Variants in ASB3 observed in about 807,000 individuals in gnomAD.
ASB3 encodes the protein ankyrin repeat and SOCS box containing 3.
ASB3 carries 41 observed loss-of-function variants against 54.5 expected under a neutral mutation model. The observed-to-expected ratio is 0.75, with a 90% CI of 0.59 to 0.98. The LOEUF is 0.98. ASB3 is among the 50% of genes least tolerant of loss of function. ASB3 has a pLI of 0.00. For missense variants in ASB3, 733 were observed against 620.0 expected (o/e 1.18, Z -1.94); for synonymous variants, 266 against 221.2 (o/e 1.20, Z -1.80).
chr2:53,673,258 T>G (rs1480634162), intron 9 of ASB3, among the ~76,000 whole-genome samples: 1 of 152,302 alleles, frequency 6.6e-6, no homozygotes. Context: ...CTTAGGAACA[T>G]GAATACTTAC....
intron 3 of ASB3, among the ~76,000 whole-genome samples, chr2:53,732,243 G>A (rs1478372049): frequency 6.6e-6 from 1 of 152,028 alleles, no homozygotes; most frequent in Non-Finnish European, 1.5e-5. Flanking sequence ...TTATAGGCAT[G>A]AGCCACTGCA....
At chr2:53,756,113 C>T (rs1162475307) in intron 2 of ASB3, among the ~76,000 whole-genome samples, 1 of 151,970 alleles carries the variant, frequency 6.6e-6, no homozygotes, top group Non-Finnish European at 1.5e-5. Flanking sequence ...CTGCAATGAG[C>T]CATGATCACA....
intron 3 of ASB3, among the ~76,000 whole-genome samples, chr2:53,735,232 C>T (rs1671556177): frequency 6.6e-6 from 1 of 151,984 alleles, no homozygotes; most frequent in Non-Finnish European, 1.5e-5. Flanking sequence ...TACATGTTCT[C>T]TATTAGTGAA....
At chr2:53,774,815 A>C (rs1674220739) in intron 1 of ASB3, 1 of 243,456 alleles carries the variant, frequency 4.1e-6, no homozygotes, top group African/African-American at 2.2e-5. Flanking sequence ...TATCAGAGTG[A>C]TAATCATCCT....
chr2:53,772,421 G>A (rs191068006), intron 1 of ASB3, among the ~76,000 whole-genome samples: 3 of 152,034 alleles, frequency 2.0e-5, no homozygotes, highest in East Asian at 3.9e-4. Flanking sequence ...TGATCCGCCC[G>A]CCTTGGCCTC....
chr2:53,702,620 TAAG>T lies in ASB3; in HGVS notation c.981-2095_981-2093del, dbSNP rs573935507. Among the ~76,000 whole-genome samples, 109 of 152,266 alleles carry T rather than the reference TAAG, an allele frequency of 7.2e-4. No individual in the cohort carries two copies. The Middle Eastern group carries it at 0.01, about 14-fold the overall frequency. On this transcript the variant is annotated intron_variant, in intron 7 of 9. Coordinates refer to ENST00000263634, the MANE Select transcript of ASB3 (RefSeq NM_016115.5). ...TGACATAGAGGGACTGTACATTATA[TAAG>T]AAGTGAACAACATCAGATACTGAGA...
At chr2:53,753,593 C>T (rs906960009) in intron 2 of ASB3, among the ~76,000 whole-genome samples, 6 of 151,706 alleles carry the variant, frequency 4.0e-5, no homozygotes, top group African/African-American at 1.5e-4. Flanking sequence ...AAATCAATGA[C>T]AGTCCAGTAG....
intron 3 of ASB3, 132 bp downstream of exon 3, chr2:53,750,651 A>G: frequency 1.0e-6 from 1 of 1,000,172 alleles, no homozygotes; most frequent in Non-Finnish European, 1.3e-6. Context: ...TCAAAAATCA[A>G]GGAAGTAGTG....
intron 5 of ASB3, among the ~76,000 whole-genome samples, chr2:53,722,864 A>T (rs1032605104): frequency 1.3e-5 from 2 of 152,186 alleles, no homozygotes; most frequent in Admixed American, 1.3e-4. Context: ...AGAAAGAAAT[A>T]AAAGGCATCC....
rs200551514 is a variant in ASB3 at position 53,700,786 on chromosome 2, T to TA, written c.981-259dup. The stretch of plus-strand genomic sequence containing the variant: ...AAAACATTCATCTTAAATGTCATTT[T>TA]AAAAAAAATTATCATTGACAGAAAA... On this transcript the variant is annotated intron_variant, in intron 7 of 9. Coordinates refer to ENST00000263634, the MANE Select transcript of ASB3 (RefSeq NM_016115.5). Among the ~76,000 whole-genome samples the TA allele has an allele frequency of 8.9e-3, 1,361 of 152,142 alleles. 21 individuals are homozygous for TA. Among genetic ancestry groups the TA allele is most frequent in the African/African-American group, 0.031 (1,288 of 41,518 alleles).
chr2:53,728,767 T>C lies in ASB3; in HGVS notation c.549A>G (p.Leu183=). Residue 183 remains leucine (L), a synonymous_variant, in exon 5 of 10, where the codon TTA becomes TTG. Transcript: ENST00000263634. The part of the protein sequence containing the change: ...ECQDDFGITP[L]FVAAQYGKLE... Reference sequence around the variant, plus strand: ...GCTTGCCATACTGAGCAGCCACAAATAAAGGTGTGATTCCAAAGTCATCCT... The same window carrying C: ...GCTTGCCATACTGAGCAGCCACAAACAAAGGTGTGATTCCAAAGTCATCCT... The C allele has an allele frequency of 6.2e-7, 1 of 1,612,588 alleles. No individual in the cohort carries two copies. The highest frequency in any genetic ancestry group is 8.5e-7 in the Non-Finnish European group (1 of 1,179,282).
chr2:53,780,357 C>A (rs1007897403), intron 1 of ASB3, among the ~76,000 whole-genome samples: 3 of 152,120 alleles, frequency 2.0e-5, no homozygotes, highest in African/African-American at 7.2e-5. Context: ...TGTTATGTGG[C>A]AAGCAATGAC....
intron 2 of ASB3, among the ~76,000 whole-genome samples, chr2:53,751,220 T>C (rs1672493480): frequency 6.6e-6 from 1 of 152,136 alleles, no homozygotes; most frequent in Non-Finnish European, 1.5e-5. Context: ...TGGCAGAAAT[T>C]GAAAGGTAAC....
intron 9 of ASB3, among the ~76,000 whole-genome samples, chr2:53,689,158 T>C (rs1668780470): frequency 1.3e-5 from 2 of 151,836 alleles, no homozygotes; most frequent in Admixed American, 1.3e-4. Context: ...ATGAATAAAT[T>C]TGGGTAGTCA....
intron 9 of ASB3, among the ~76,000 whole-genome samples, chr2:53,689,731 A>G (rs1159298230): frequency 6.6e-6 from 1 of 152,184 alleles, no homozygotes; most frequent in African/African-American, 2.4e-5. Flanking sequence ...TTAGCCCACC[A>G]TATTTAGCTA....
chr2:53,764,025 AAAG>A (rs1673298263), intron 2 of ASB3, among the ~76,000 whole-genome samples: 1 of 152,318 alleles, frequency 6.6e-6, no homozygotes, highest in East Asian at 1.9e-4. Flanking sequence ...AAGACAAAAA[AAAG>A]AAAAAAACAA....
intron 1 of ASB3, among the ~76,000 whole-genome samples, chr2:53,768,753 A>T (rs6737681): frequency 2.0e-5 from 3 of 152,194 alleles, no homozygotes; most frequent in East Asian, 1.9e-4. Context: ...CTTTTCAGTC[A>T]GTCCTACAAA....
chr2:53,696,151 T>A (rs1267538929), intron 8 of ASB3, among the ~76,000 whole-genome samples: 1 of 152,200 alleles, frequency 6.6e-6, no homozygotes, highest in Non-Finnish European at 1.5e-5. Context: ...ATTGCTAAAG[T>A]TAAATTTTCC....
In ASB3 at chr2:53,729,547, C is replaced by T. The variant is rs759285484; in HGVS notation, c.379G>A (p.Val127Met). The change falls in exon 4 of 10, where the codon GTG (valine) becomes ATG (methionine). Residue 127 changes from valine (V) to methionine (M), a missense_variant. Val to Met is a conservative substitution (Grantham distance 21). Coordinates refer to ENST00000263634, the MANE Select transcript of ASB3 (RefSeq NM_016115.5). ...FLAVENGQID[V>M]LRLLLQHGAN... Reference sequence around the variant, plus strand: ...CCGTGTTGAAGCAACAGCCTTAACACATCTATCTGTCCATTTTCAACAGCT... The same window carrying T: ...CCGTGTTGAAGCAACAGCCTTAACATATCTATCTGTCCATTTTCAACAGCT... 9.9e-6 allele frequency: 16 copies of T among 1,613,748 alleles called. No homozygotes were observed. Among genetic ancestry groups the T allele is most frequent in the Middle Eastern group, 3.3e-4 (2 of 6,080 alleles).
Sources: gnomAD v4.1 joint callset for allele counts (sites outside exome capture counted in the v4.1 genomes callset) on GRCh38, gnomAD v4.1.1 for gene constraint, MANE v1.5 for transcripts, NCBI Gene and HGNC (gene_info 2026-07-23, HGNC 2026-07-21) for gene names.